CDC34: variants seen among roughly 807,000 people sequenced by gnomAD.
The protein encoded by CDC34 is ubiquitin-conjugating enzyme E2 R1.
CDC34 carries 18 observed loss-of-function variants against 26.8 expected under a neutral mutation model. That is an observed-to-expected ratio of 0.67 (90% CI 0.47 to 1.00). CDC34 has a LOEUF of 1.00. Ranked by LOEUF, CDC34 falls within the 50% of genes least tolerant of loss-of-function variation. The probability of loss-of-function intolerance (pLI) is 0.00; values close to 1 mark genes in which losing one functional copy is unlikely to be tolerated. For missense variants in CDC34, 280 were observed against 334.5 expected, an observed-to-expected ratio of 0.84 and a Z score of 1.27; for synonymous variants, 178 against 147.5, an observed-to-expected ratio of 1.21 and a Z score of -1.50.
At chr19:534,997 G>T (rs1411174026) in intron 1 of CDC34, among the ~76,000 whole-genome samples, 1 of 152,222 alleles carries the variant, frequency 6.6e-6, no homozygotes, top group Non-Finnish European at 1.5e-5. Flanking sequence ...CCCTGACCCA[G>T]ACAACCTCTG....
chr19:540,729 CGG>C (rs1568332298), intron 4 of CDC34, among the ~76,000 whole-genome samples: 2,327 of 56,078 alleles, frequency 0.041, 605 homozygotes, highest in Admixed American at 0.058. Context: ...GCCAGGCCCC[CGG>C]GTTTAGAATC....
At chr19:533,768 C>T (rs1473746618) in intron 1 of CDC34, among the ~76,000 whole-genome samples, 3 of 152,240 alleles carry the variant, frequency 2.0e-5, no homozygotes, top group African/African-American at 4.8e-5. Context: ...GGCCTCTAGA[C>T]ATCTGCCACA....
At chr19:532,682 G>T (rs572183534) in intron 1 of CDC34, among the ~76,000 whole-genome samples, 185 of 152,392 alleles carry the variant, frequency 1.2e-3, no homozygotes, top group Non-Finnish European at 2.3e-3. Flanking sequence ...CAAAGGCCCG[G>T]ATGAGCCTTG....
chr19:532,131 G>A (rs1304025616), intron 1 of CDC34, 23 bp downstream of exon 1: 9 of 1,476,060 alleles, frequency 6.1e-6, no homozygotes, highest in Non-Finnish European at 8.0e-6. Context: ...ACCCCCGCCC[G>A]GGTCCCGGAG....
intron 4 of CDC34, among the ~76,000 whole-genome samples, chr19:540,163 G>C (rs868518068): frequency 0.069 from 312 of 4,536 alleles, 122 homozygotes; most frequent in East Asian, 0.44. Context: ...AGGCCCCCCG[G>C]GTTTAGAATC....
rs1037171543 is a variant in CDC34, at chr19:532,611, G to A, written c.177+503G>A. 4.6e-5 allele frequency among the ~76,000 whole-genome samples: 7 copies of A among 152,124 alleles called. 1 individual carries two copies. Among genetic ancestry groups the A allele is most frequent in the Admixed American group, 6.5e-5 (1 of 15,306 alleles). On this transcript the variant is annotated intron_variant, in intron 1 of 4. Transcript: ENST00000215574. ...CTGCTATTGTTGGGGAGCTGGGCCC[G>A]TGAGCGGGGGAGCGAGGCCAGCCTG...
rs1381506596 is a variant in CDC34 at position 537,145 on chromosome 19, C to T, written c.495C>T (p.Ile165=). The change falls in exon 4 of 5, where the codon ATC becomes ATT. Residue 165 remains isoleucine (I), a splice_region_variant and synonymous_variant. Coordinates refer to ENST00000215574, the MANE Select transcript of CDC34 (RefSeq NM_004359.2). The stretch of plus-strand genomic sequence containing the variant: ...AGGATCGGGAGTACACAGACATCAT[C>T]CGGTGAGGGCGGGCGGGGGCGTCAC... ...KGKDREYTDI[I]RKQVLGTKVD... is the part of the protein sequence containing the mutation. The T allele has an allele frequency of 1.9e-6, 3 of 1,612,968 alleles. No homozygotes were observed. In the African/African-American group the frequency reaches 4.0e-5, roughly 22 times the overall value.
intron 1 of CDC34, among the ~76,000 whole-genome samples, chr19:535,347 A>G (rs1253391645): frequency 3.3e-5 from 5 of 152,226 alleles, no homozygotes; most frequent in Non-Finnish European, 7.4e-5. Context: ...AGGTGTCACA[A>G]GTGTTTGCTA....
At chr19:538,584 C>T (rs1055251870) in intron 4 of CDC34, 4 of 449,172 alleles carry the variant, frequency 8.9e-6, no homozygotes, top group Non-Finnish European at 1.2e-5. Flanking sequence ...TCACAGAGGC[C>T]TCACCTATTT....
At chr19:533,151 C>G (rs994276152) in intron 1 of CDC34, among the ~76,000 whole-genome samples, 2 of 152,160 alleles carry the variant, frequency 1.3e-5, no homozygotes, top group East Asian at 3.9e-4. Flanking sequence ...CGTTCAGGGA[C>G]CTCGTTCTTG....
Position 541,595 on chromosome 19 carries a change from G to T in CDC34, c.*43G>T. ...TGCCGAGTTTACCTCACTAGGGCCG[G>T]ACCCGTGGCTCCTTAGACGACAGAC... On this transcript the variant is annotated 3_prime_UTR_variant, in exon 5 of 5. Transcript: ENST00000215574. The T allele has an allele frequency of 6.6e-7, 1 of 1,519,596 alleles. No individual in the cohort carries two copies. The highest frequency in any genetic ancestry group is 1.3e-5 in the South Asian group (1 of 76,746). The allele number at this position is 1,519,596 out of a possible 1,614,324, so 94.1% of individuals were successfully genotyped here.
intron 3 of CDC34, chr19:536,722 G>T (rs550014565): frequency 1.3e-5 from 7 of 539,332 alleles, no homozygotes; most frequent in East Asian, 1.3e-4. Flanking sequence ...CGTGTTGCCC[G>T]TGTGTCCTGG....
At position 541,406 on chromosome 19, in the gene CDC34, G is replaced by A. The variant is rs776469357; in HGVS notation, c.565G>A (p.Glu189Lys). The stretch of plus-strand genomic sequence containing the variant: ...CGTGAAGGTGCCCACCACGCTGGCC[G>A]AGTACTGCGTGAAGACCAAGGCGCC... ...DGVKVPTTLA[E>K]YCVKTKAPAP... Residue 189 changes from glutamate (E) to lysine (K), a missense_variant, in exon 5 of 5, where the codon GAG becomes AAG. Physicochemically the swap from Glu to Lys is moderately conservative, Grantham distance 56. Transcript: ENST00000215574. 14 of 1,611,932 alleles carry A rather than the reference G, an allele frequency of 8.7e-6. No homozygotes were observed. The highest frequency in any genetic ancestry group is 1.2e-5 in the Non-Finnish European group (14 of 1,179,762).
At chr19:532,364 C>A (rs16990506) in intron 1 of CDC34, among the ~76,000 whole-genome samples, 6,144 of 152,304 alleles carry the variant, frequency 0.04, 409 homozygotes, top group African/African-American at 0.14. Flanking sequence ...TCGTCCGGTC[C>A]CCTGTTAGGC....
In CDC34 at chr19:538,974, A is replaced by T. The variant is rs7254483; in HGVS notation, c.497+1827A>T. The T allele has an allele frequency of 6.2e-3, 6,080 of 985,134 alleles. 297 individuals carry two copies. In the African/African-American group the frequency reaches 0.099, roughly 16 times the overall value. The allele number at this position is 985,134 out of a possible 1,614,324, so 61.0% of individuals were successfully genotyped here. The stretch of plus-strand genomic sequence containing the variant: ...CCGGTTCTTCCCGGCCACCTCCCTG[A>T]GGCACCACCTCCTTGAGATCCCAGC... On this transcript the variant is annotated intron_variant, in intron 4 of 4. Transcript: ENST00000215574.
chr19:539,480 G>A (rs888500415), intron 4 of CDC34, among the ~76,000 whole-genome samples: 5 of 152,150 alleles, frequency 3.3e-5, no homozygotes, highest in Admixed American at 6.5e-5. Flanking sequence ...CTTGGCGTCC[G>A]CTGGGTCCCG....
In CDC34 at chr19:531,935, G is replaced by C. The variant is rs1979505938; in HGVS notation, c.4G>C (p.Ala2Pro). The C allele has an allele frequency of 7.0e-7, 1 of 1,435,810 alleles. No individual in the cohort carries two copies. The highest frequency in any genetic ancestry group is 1.5e-5 in the African/African-American group (1 of 65,774). The allele number at this position is 1,435,810 out of a possible 1,614,324, so 88.9% of individuals were successfully genotyped here. The change falls in exon 1 of 5, where the codon GCT becomes CCT. Residue 2 changes from alanine to proline, a missense_variant. Transcript: ENST00000215574. MARPLVPSSQKA... is the reference protein window; with the variant it reads MPRPLVPSSQKA... ...CCCGGGCCCCTCCGCCGCCGCCATG[G>C]CTCGGCCGCTAGTGCCCAGCTCGCA...
chr19:532,183 C>T (rs1474692667), intron 1 of CDC34, 75 bp downstream of exon 1: 1 of 1,254,216 alleles, frequency 8.0e-7, no homozygotes, highest in Non-Finnish European at 1.1e-6. Flanking sequence ...CTCCCTGCCC[C>T]GCGGTCCTAG....
Position 541,359 on chromosome 19 carries a change from A to T in CDC34, c.518A>T (p.Lys173Met), listed in dbSNP as rs1050890129. The T allele has an allele frequency of 1.3e-6, 2 of 1,590,850 alleles. No individual in the cohort carries two copies. Among genetic ancestry groups the T allele is most frequent in the Non-Finnish European group, 1.7e-6 (2 of 1,170,814 alleles). ...DIIRKQVLGT[K>M]VDAERDGVKV... Reference sequence around the variant, plus strand: ...CCCAGGAAGCAGGTCCTGGGGACCAAGGTGGACGCGGAGCGTGACGGCGTG... The same window carrying T: ...CCCAGGAAGCAGGTCCTGGGGACCATGGTGGACGCGGAGCGTGACGGCGTG... Residue 173 changes from lysine to methionine, a missense_variant, in exon 5 of 5, where the codon AAG (lysine) becomes ATG (methionine). Transcript: ENST00000215574.
Sources: gnomAD v4.1 joint callset for allele counts (sites outside exome capture counted in the v4.1 genomes callset) on GRCh38, gnomAD v4.1.1 for gene constraint, MANE v1.5 for transcripts, NCBI Gene and HGNC (gene_info 2026-07-23, HGNC 2026-07-21) for gene names.